The following KCNK6 variants were observed in gnomAD, a reference collection of about 807,000 sequenced individuals.
KCNK6 encodes potassium two pore domain channel subfamily K member 6.
KCNK6 carries 20 observed loss-of-function variants against 21.9 expected under a neutral mutation model. The ratio of observed to expected loss-of-function variants is 0.91; its 90% CI spans 0.64 to 1.32. KCNK6 has a LOEUF of 1.32. Ranked by LOEUF, KCNK6 falls within the 40% of genes most tolerant of loss-of-function variation. The pLI is 0.00. For missense variants in KCNK6, 415 were observed against 433.1 expected (o/e 0.96, Z 0.37); for synonymous variants, 210 against 218.0 (o/e 0.96, Z 0.32).
chr19:38,325,620 A>G lies in KCNK6; in HGVS notation c.323-973A>G, dbSNP rs1357684613. ...CTAGAAGGTGTTAAGTGCTATGGGA[A>G]AAAAAAGTGTTGGGTAAGAGGATGT... On this transcript the variant is annotated intron_variant, in intron 1 of 2. Coordinates refer to ENST00000263372, the MANE Select transcript of KCNK6 (RefSeq NM_004823.3). 1.3e-5 allele frequency: 11 copies of G among 843,082 alleles called. No individual in the cohort carries two copies. The East Asian group carries it at 1.1e-3, about 85-fold the overall frequency. The allele number at this position is 843,082 out of a possible 1,614,324, so 52.2% of individuals were successfully genotyped here. A position where few individuals can be genotyped will look rare whatever the true frequency, so the allele number is the denominator to read the frequency against.
At position 38,319,995 on chromosome 19, in the gene KCNK6, C is replaced by T. The variant is rs1445512191; in HGVS notation, c.45C>T (p.Ala15=). 2.7e-6 allele frequency: 4 copies of T among 1,483,814 alleles called. No homozygotes were observed. The highest frequency in any genetic ancestry group is 2.3e-5 in the Admixed American group (1 of 42,912). 91.9% of individuals were successfully genotyped at this position (1,483,814 alleles called of 1,614,324 possible). A position where few individuals can be genotyped will look rare whatever the true frequency, so the allele number is the denominator to read the frequency against. ...ALLAGALAAY[A]AYLVLGALLV... is the part of the protein sequence containing the mutation. ...TGGCGGGCGCCTTGGCCGCGTACGC[C>T]GCGTACCTGGTGCTGGGCGCGCTGT... The change falls in exon 1 of 3, where the codon GCC becomes GCT. Residue 15 remains alanine, a synonymous_variant. Transcript: ENST00000263372.
chr19:38,324,813 A>G (rs749257468), intron 1 of KCNK6, among the ~76,000 whole-genome samples: 2 of 152,064 alleles, frequency 1.3e-5, no homozygotes, highest in Non-Finnish European at 2.9e-5. Context: ...GCTGGTCTCA[A>G]ATTCCTGGGC....
rs1969770951 is a variant in KCNK6 at position 38,331,887 on chromosome 19, G to C, written c.*4484G>C. On this transcript the variant is annotated 3_prime_UTR_variant, in exon 3 of 3. Transcript: ENST00000263372. ...GTTCCTGGGTATAAATCTGAACTCT[G>C]TCACTCCCAAGCTAAGTGGCTTTGG... 1 of 152,142 alleles carries C rather than the reference G, an allele frequency of 6.6e-6. No homozygotes were observed. Among genetic ancestry groups the C allele is most frequent in the Admixed American group, 6.6e-5 (1 of 15,256 alleles). The allele number at this position is 152,142 out of a possible 1,614,324, so 9.4% of individuals were successfully genotyped here.
chr19:38,320,404 C>A, intron 1 of KCNK6, 132 bp downstream of exon 1: 1 of 964,854 alleles, frequency 1.0e-6, no homozygotes, highest in Non-Finnish European at 1.5e-6. Flanking sequence ...CCCGAAAAGA[C>A]CCCAGTGAGG....
chr19:38,325,469 G>A (rs2145041537), intron 1 of KCNK6: 3 of 985,450 alleles, frequency 3.0e-6, no homozygotes, highest in Non-Finnish European at 3.6e-6. Context: ...CCAGGCAAGA[G>A]CCTGCACCCT....
chr19:38,319,933 GGGGTCCCGGT>G lies in KCNK6; in HGVS notation c.-13_-4del, dbSNP rs1343938615. ...GTCAGCGGGGCCACCCAGGGCTCGCGGGGTCCCGGTGGGTGCCATGCGGAGGGGCGCGCTT... is the reference window on the plus strand; with the variant it reads ...GTCAGCGGGGCCACCCAGGGCTCGCGGGGTGCCATGCGGAGGGGCGCGCTT... On this transcript the variant is annotated 5_prime_UTR_variant, in exon 1 of 3. Transcript: ENST00000263372. The G allele has an allele frequency of 7.1e-7, 1 of 1,400,502 alleles. No individual in the cohort carries two copies. Among genetic ancestry groups the G allele is most frequent in the Non-Finnish European group, 9.2e-7 (1 of 1,089,810 alleles). The allele number at this position is 1,400,502 out of a possible 1,614,324, so 86.8% of individuals were successfully genotyped here.
In KCNK6 at chr19:38,326,845, T is replaced by C; in HGVS notation, c.575T>C (p.Phe192Ser). The change falls in exon 2 of 3, where the codon TTT (phenylalanine) becomes TCT (serine). Residue 192 changes from phenylalanine (F) to serine (S), a missense_variant. Transcript: ENST00000263372. ...TGCTTTCTGGTGCCGGCTGTGATCT[T>C]TGCCCACCTCGAGGAGGCCTGGAGC... Reference protein sequence around the residue: ...TVCFLVPAVIFAHLEEAWSFL... With the variant: ...TVCFLVPAVISAHLEEAWSFL... 6.2e-7 allele frequency: 1 copy of C among 1,611,086 alleles called. No homozygotes were observed. The highest frequency in any genetic ancestry group is 8.5e-7 in the Non-Finnish European group (1 of 1,180,006).
chr19:38,327,225 C>A lies in KCNK6; in HGVS notation c.764C>A (p.Thr255Asn), dbSNP rs370464884. ...GTGGCCATGGTGCTGGTGCTGCAGA[C>A]CTTCCGCCACGTGTCCGACCTCCAC... ...GLVAMVLVLQ[T>N]FRHVSDLHGL... Residue 255 changes from threonine to asparagine, a missense_variant, in exon 3 of 3, where the codon ACC (threonine) becomes AAC (asparagine). By Grantham distance (65) the Thr-to-Asn change is moderately conservative. Coordinates refer to ENST00000263372, the MANE Select transcript of KCNK6 (RefSeq NM_004823.3). The A allele has an allele frequency of 1.4e-5, 22 of 1,613,390 alleles. No individual in the cohort carries two copies. Among genetic ancestry groups the A allele is most frequent in the Middle Eastern group, 1.6e-4 (1 of 6,084 alleles).
At position 38,329,240 on chromosome 19, in the gene KCNK6, A is replaced by AAGAC; in HGVS notation, c.*1840_*1841insCAGA. ...GCAAGACTCCGTCTCAAAAAAAAAA[A>AAGAC]AGAAAGAAAGAAAAGAAAAGAAGGA... On this transcript the variant is annotated 3_prime_UTR_variant, in exon 3 of 3. Coordinates refer to ENST00000263372, the MANE Select transcript of KCNK6 (RefSeq NM_004823.3). 6.6e-6 allele frequency: 1 copy of AAGAC among 151,542 alleles called. No individual in the cohort carries two copies. Among genetic ancestry groups the AAGAC allele is most frequent in the East Asian group, 2.0e-4 (1 of 5,088 alleles). 9.4% of individuals were successfully genotyped at this position (151,542 alleles called of 1,614,324 possible). A position where few individuals can be genotyped will look rare whatever the true frequency, so the allele number is the denominator to read the frequency against.
chr19:38,327,121 G>C (rs778505829), intron 2 of KCNK6, 59 bp from the exon 3 acceptor site: 1 of 1,590,590 alleles, frequency 6.3e-7, no homozygotes, highest in Non-Finnish European at 8.5e-7. Flanking sequence ...GTAGAACTGC[G>C]GCCCCGCCTG....
chr19:38,325,619 A>G (rs189194642), intron 1 of KCNK6: 6 of 825,860 alleles, frequency 7.3e-6, no homozygotes, highest in African/African-American at 1.8e-5. Context: ...GTGCTATGGG[A>G]AAAAAAAGTG....
At chr19:38,324,784 G>A (rs1397536916) in intron 1 of KCNK6, among the ~76,000 whole-genome samples, 3 of 152,034 alleles carry the variant, frequency 2.0e-5, no homozygotes, top group Non-Finnish European at 4.4e-5. Context: ...TAGAGATAGG[G>A]TCTTCCTATG....
intron 1 of KCNK6, among the ~76,000 whole-genome samples, chr19:38,323,266 G>A (rs997371876): frequency 2.0e-5 from 3 of 152,228 alleles, no homozygotes; most frequent in African/African-American, 7.2e-5. Flanking sequence ...CGTGCGAAGC[G>A]CTGGTAATAA....
At chr19:38,327,110 A>G (rs1039514025) in intron 2 of KCNK6, 70 bp from the exon 3 acceptor site, 1 of 1,583,208 alleles carries the variant, frequency 6.3e-7, no homozygotes, top group Non-Finnish European at 8.6e-7. Context: ...TGCAGGGTCC[A>G]GTAGAACTGC....
At position 38,330,025 on chromosome 19, in the gene KCNK6, AG is replaced by A. The variant is rs1386121106; in HGVS notation, c.*2626del. 6.6e-6 allele frequency: 1 copy of A among 152,362 alleles called. No individual in the cohort carries two copies. The allele number at this position is 152,362 out of a possible 1,614,324, so 9.4% of individuals were successfully genotyped here. On this transcript the variant is annotated 3_prime_UTR_variant, in exon 3 of 3. Transcript: ENST00000263372. ...GGTGTGTGGGGCAAAAGGGACACCC[AG>A]GGGTGTATCAAGAGGTCATAGGGGG...
rs1300819537 is a variant in KCNK6 at position 38,320,254 on chromosome 19, A to G, written c.304A>G (p.Thr102Ala). ...CGCCTCTGCTCTCTTCTTCGCCAGC[A>G]CGCTGATCACCACCGTGGGTACGTA... ...DFASALFFAS[T>A]LITTVGYGYT... The change falls in exon 1 of 3, where the codon ACG becomes GCG. Residue 102 changes from threonine (T) to alanine (A), a missense_variant. Transcript: ENST00000263372. The G allele has an allele frequency of 6.2e-6, 10 of 1,606,226 alleles. No individual in the cohort carries two copies. The highest frequency in any genetic ancestry group is 1.3e-5 in the African/African-American group (1 of 74,738).
At chr19:38,326,002 A>T (rs1969702946) in intron 1 of KCNK6, among the ~76,000 whole-genome samples, 1 of 151,958 alleles carries the variant, frequency 6.6e-6, no homozygotes, top group Non-Finnish European at 1.5e-5. Context: ...GGGCCATGGG[A>T]CTGGGTGGGG....
chr19:38,322,303 GTT>G (rs2145038750), intron 1 of KCNK6, among the ~76,000 whole-genome samples: 1 of 152,346 alleles, frequency 6.6e-6, no homozygotes, highest in Non-Finnish European at 1.5e-5. Flanking sequence ...AAAATGGAAA[GTT>G]ATTGTGGTAG....
chr19:38,323,712 G>T (rs1404200505), intron 1 of KCNK6, among the ~76,000 whole-genome samples: 1 of 152,134 alleles, frequency 6.6e-6, no homozygotes, highest in Non-Finnish European at 1.5e-5. Flanking sequence ...AGCCTCCTGA[G>T]TAGTTGGAAC....
Sources: gnomAD v4.1 joint callset for allele counts (sites outside exome capture counted in the v4.1 genomes callset) on GRCh38, gnomAD v4.1.1 for gene constraint, MANE v1.5 for transcripts, NCBI Gene and HGNC (gene_info 2026-07-23, HGNC 2026-07-21) for gene names.